BAZ1A: variants seen among roughly 807,000 people sequenced by gnomAD.
BAZ1A encodes bromodomain adjacent to zinc finger domain 1A, also known as bromodomain adjacent to zinc finger domain protein 1A.
BAZ1A carries 50 observed loss-of-function variants against 185.2 expected under a neutral mutation model. The observed-to-expected ratio is 0.27, with a 90% CI of 0.22 to 0.34. BAZ1A has a LOEUF of 0.34. Ranked by LOEUF, BAZ1A falls within the 10% of genes least tolerant of loss-of-function variation. The probability of loss-of-function intolerance (pLI) is 1.00; values close to 1 mark genes in which losing one functional copy is unlikely to be tolerated. For missense variants in BAZ1A, 1,356 were observed against 1,839.9 expected (o/e 0.74, Z 4.81); for synonymous variants, 571 against 615.6 (o/e 0.93, Z 1.07).
intron 10 of BAZ1A, 149 bp from the exon 11 acceptor site, chr14:34,795,036 G>T: frequency 9.1e-7 from 1 of 1,095,302 alleles, no homozygotes; most frequent in Non-Finnish European, 1.3e-6. Flanking sequence ...AATCACCTTT[G>T]AAACTTCTAA....
rs752492474 is a variant in BAZ1A at position 34,795,769 on chromosome 14, G to T, written c.1129-4C>A. On this transcript the variant is annotated splice_region_variant and splice_polypyrimidine_tract_variant and intron_variant, in intron 9 of 26. Transcript: ENST00000360310. ...CTTCACGTAACTTCTCTCTTTCCTA[G>T]AAATTTTTAAAAGTTAATAACAATT... 3 of 1,604,376 alleles carry T rather than the reference G, an allele frequency of 1.9e-6. No homozygotes were observed. In the Admixed American group the frequency reaches 5.1e-5, roughly 27 times the overall value.
In BAZ1A at chr14:34,872,913, T is replaced by TAAAAAAAAA. The variant is rs35955993; in HGVS notation, c.113+1570_113+1578dup. 5.0e-4 allele frequency among the ~76,000 whole-genome samples: 38 copies of TAAAAAAAAA among 76,186 alleles called. 1 individual carries two copies. Among genetic ancestry groups the TAAAAAAAAA allele is most frequent in the East Asian group, 3.2e-3 (9 of 2,818 alleles). The allele number at this position is 76,186 out of a possible 152,430, so 50.0% of individuals were successfully genotyped here. On this transcript the variant is annotated intron_variant, in intron 2 of 26. Transcript: ENST00000360310. ...AGCAAGGCCTGTAGCTTTAAAATCC[T>TAAAAAAAAA]AAAAAAAAAAAAAAAAAAAAAAAAA...
chr14:34,757,675 C>G (rs1268224312), intron 25 of BAZ1A, among the ~76,000 whole-genome samples: 2 of 149,110 alleles, frequency 1.3e-5, no homozygotes, highest in African/African-American at 5.0e-5. Flanking sequence ...AAAACAAAAA[C>G]AAAAACAACA....
Position 34,862,140 on chromosome 14 carries a change from G to C in BAZ1A, c.296C>G (p.Ser99Trp). ...VLYLTSLTHR[S>W]RLHEICDDIF... Reference sequence around the variant, plus strand: ...ATCATCACAAATTTCATGTAAGCGCGAACGATGGGTAAGGCTGGTCAAGTA... The same window carrying C: ...ATCATCACAAATTTCATGTAAGCGCCAACGATGGGTAAGGCTGGTCAAGTA... Residue 99 changes from serine (S) to tryptophan (W), a missense_variant, in exon 3 of 27, where the codon TCG becomes TGG. Transcript: ENST00000360310. The C allele has an allele frequency of 1.2e-6, 2 of 1,614,088 alleles. No individual in the cohort carries two copies. The highest frequency in any genetic ancestry group is 1.7e-6 in the Non-Finnish European group (2 of 1,180,020).
chr14:34,759,184 T>TTTTTTTGTTTTG (rs1555336968), intron 24 of BAZ1A, among the ~76,000 whole-genome samples: 2,046 of 107,992 alleles, frequency 0.019, 42 homozygotes, highest in South Asian at 0.039. Context: ...TTTTTTTTTT[T>TTTTTTTGTTTTG]TTTTTTTTTT....
chr14:34,776,472 T>C lies in BAZ1A; in HGVS notation c.2280A>G (p.Glu760=). ...QNGFKEFTRQ[E]QINCVTREPL... ...GCTCTCTTGTTACACAGTTGATCTG[T>C]TCTTGCCTTGTAAATTCTTTAAATC... The change falls in exon 18 of 27, where the codon GAA becomes GAG. Residue 760 remains glutamate (E), a synonymous_variant. Coordinates refer to ENST00000360310, the MANE Select transcript of BAZ1A (RefSeq NM_013448.3). The C allele has an allele frequency of 6.3e-7, 1 of 1,599,884 alleles. No individual in the cohort carries two copies. The highest frequency in any genetic ancestry group is 8.5e-7 in the Non-Finnish European group (1 of 1,176,128).
At chr14:34,781,426 T>C (rs1198384256) in intron 16 of BAZ1A, among the ~76,000 whole-genome samples, 1 of 152,202 alleles carries the variant, frequency 6.6e-6, no homozygotes, top group Non-Finnish European at 1.5e-5. Flanking sequence ...TCCTCTTTCC[T>C]GCTGCCCCTG....
intron 25 of BAZ1A, among the ~76,000 whole-genome samples, chr14:34,755,435 C>G (rs190367515): frequency 6.6e-6 from 1 of 152,126 alleles, no homozygotes; most frequent in Non-Finnish European, 1.5e-5. Flanking sequence ...GACTTTCTAA[C>G]CCAACCTCAT....
intron 3 of BAZ1A, among the ~76,000 whole-genome samples, chr14:34,855,666 G>A (rs1396341030): frequency 6.6e-6 from 1 of 152,176 alleles, no homozygotes; most frequent in Non-Finnish European, 1.5e-5. Context: ...ACCAAGGCTA[G>A]CAGACTGCTT....
Position 34,874,302 on chromosome 14 carries a change from C to T in BAZ1A, c.113+190G>A. On this transcript the variant is annotated intron_variant, in intron 2 of 26. Transcript: ENST00000360310. The surrounding 1 kb of genome is among the most constrained non-coding windows in gnomAD (Gnocchi z 4.7). ...TACCAACCCGCGTTCCCCACGCGCG[C>T]CGCCGCCAGTTGGCCCCGCGCGTTC... 1 of 568,914 alleles carries T rather than the reference C, an allele frequency of 1.8e-6. No individual in the cohort carries two copies. 35.2% of individuals were successfully genotyped at this position (568,914 alleles called of 1,614,324 possible).
chr14:34,828,107 A>G (rs559745923), intron 3 of BAZ1A, among the ~76,000 whole-genome samples: 4 of 151,958 alleles, frequency 2.6e-5, no homozygotes, highest in African/African-American at 4.8e-5. Flanking sequence ...CCAGCCTGAC[A>G]TGGAGAAACC....
intron 4 of BAZ1A, among the ~76,000 whole-genome samples, chr14:34,817,811 G>A (rs1419824669): frequency 1.3e-5 from 2 of 152,186 alleles, no homozygotes; most frequent in African/African-American, 4.8e-5. Flanking sequence ...CGATAAGGAT[G>A]ACTATAATTT....
intron 7 of BAZ1A, among the ~76,000 whole-genome samples, 186 bp from the exon 8 acceptor site, chr14:34,801,379 C>T (rs1464696323): frequency 1.3e-5 from 2 of 151,964 alleles, no homozygotes; most frequent in Admixed American, 6.6e-5. Context: ...GCAACCTCTG[C>T]CTCCTGGGCT....
chr14:34,838,679 C>T (rs1313584669), intron 3 of BAZ1A, among the ~76,000 whole-genome samples: 1 of 151,992 alleles, frequency 6.6e-6, no homozygotes, highest in South Asian at 2.1e-4. Context: ...CGTCCACCTC[C>T]ACGCCCGGCT....
At chr14:34,839,874 C>A (rs2042387841) in intron 3 of BAZ1A, among the ~76,000 whole-genome samples, 1 of 144,026 alleles carries the variant, frequency 6.9e-6, no homozygotes, top group South Asian at 2.2e-4. Flanking sequence ...ATGAGCATTT[C>A]CTAGTTTTAA....
intron 12 of BAZ1A, among the ~76,000 whole-genome samples, chr14:34,789,992 A>G (rs1226378937): frequency 1.3e-5 from 2 of 152,166 alleles, no homozygotes; most frequent in Non-Finnish European, 2.9e-5. Context: ...ATCTACCTCA[A>G]AAGAGTAGTA....
rs575325498 is a variant in BAZ1A at position 34,766,420 on chromosome 14, A to T, written c.3302-1152T>A. ...TAAAGCAGAGACCTGTCAAGTACCAATGGACCTTGAGCTCCTGTTTGCCTG... is the reference window on the plus strand; with the variant it reads ...TAAAGCAGAGACCTGTCAAGTACCATTGGACCTTGAGCTCCTGTTTGCCTG... On this transcript the variant is annotated intron_variant, in intron 21 of 26. Coordinates refer to ENST00000360310, the MANE Select transcript of BAZ1A (RefSeq NM_013448.3). Among the ~76,000 whole-genome samples the T allele has an allele frequency of 1.9e-3, 292 of 152,278 alleles. 2 individuals are homozygous for T. Among genetic ancestry groups the T allele is most frequent in the Non-Finnish European group, 2.4e-3 (163 of 68,016 alleles).
At chr14:34,798,827 G>A (rs1455990495) in intron 9 of BAZ1A, among the ~76,000 whole-genome samples, 1 of 152,152 alleles carries the variant, frequency 6.6e-6, no homozygotes, top group African/African-American at 2.4e-5. Context: ...ACAGTGTGGC[G>A]ATTCCTCAAG....
At chr14:34,809,726 A>G (rs1020118886) in intron 5 of BAZ1A, among the ~76,000 whole-genome samples, 5 of 152,182 alleles carry the variant, frequency 3.3e-5, no homozygotes, top group Non-Finnish European at 7.4e-5. Flanking sequence ...CTAGCAGAAT[A>G]ATTATATTTA....
Sources: gnomAD v4.1 joint callset for allele counts (sites outside exome capture counted in the v4.1 genomes callset) on GRCh38, gnomAD v4.1.1 for gene constraint, Gnocchi (gnomAD v3.1) non-coding constraint, MANE v1.5 for transcripts, NCBI Gene and HGNC (gene_info 2026-07-23, HGNC 2026-07-21) for gene names.